PTPRD: variants seen among roughly 807,000 people sequenced by gnomAD.
PTPRD encodes the protein protein tyrosine phosphatase receptor type D, also known as receptor-type tyrosine-protein phosphatase delta.
PTPRD carries 34 observed loss-of-function variants against 214.5 expected under a neutral mutation model. The observed-to-expected ratio is 0.16, with a 90% CI of 0.12 to 0.21. The LOEUF is 0.21. Ranked by LOEUF, PTPRD falls within the 10% of genes least tolerant of loss-of-function variation. The pLI is 1.00. For missense variants in PTPRD, 2,545 were observed against 2,398.7 expected, an observed-to-expected ratio of 1.06 and a Z score of -1.27; for synonymous variants, 1,128 against 845.7, an observed-to-expected ratio of 1.33 and a Z score of -5.79.
intron 9 of PTPRD, among the ~76,000 whole-genome samples, chr9:9,365,584 A>G (rs952638379): frequency 6.6e-5 from 10 of 151,500 alleles, no homozygotes; most frequent in African/African-American, 2.2e-4. Flanking sequence ...AACTAAATGG[A>G]CAGCTGTTCA....
At chr9:9,191,845 T>C (rs1234889790) in intron 9 of PTPRD, among the ~76,000 whole-genome samples, 1 of 152,078 alleles carries the variant, frequency 6.6e-6, no homozygotes, top group Non-Finnish European at 1.5e-5. Context: ...CTATTAATAG[T>C]AATCAGTATT....
intron 3 of PTPRD, among the ~76,000 whole-genome samples, chr9:10,313,943 C>T (rs577676803): frequency 6.6e-6 from 1 of 151,874 alleles, no homozygotes; most frequent in South Asian, 2.1e-4. Flanking sequence ...TCATTTATCA[C>T]CCTAGTGCTT....
Position 9,082,038 on chromosome 9 carries a change from A to G in PTPRD, c.-142-63303T>C, listed in dbSNP as rs140410124. Among the ~76,000 whole-genome samples the G allele has an allele frequency of 4.5e-3, 683 of 152,206 alleles. 4 individuals carry two copies. Among genetic ancestry groups the G allele is most frequent in the African/African-American group, 0.015 (634 of 41,538 alleles). ...GCCAAATTCTACCAGAGGTACAAAGAGGAGCTGGTACCAATCCTTCTGAAA... is the reference window on the plus strand; with the variant it reads ...GCCAAATTCTACCAGAGGTACAAAGGGGAGCTGGTACCAATCCTTCTGAAA... On this transcript the variant is annotated intron_variant, in intron 10 of 45. Transcript: ENST00000381196.
intron 2 of PTPRD, among the ~76,000 whole-genome samples, chr9:10,561,697 T>C (rs2064015717): frequency 6.6e-6 from 1 of 152,140 alleles, no homozygotes; most frequent in South Asian, 2.1e-4. Flanking sequence ...AATCTTTCTA[T>C]CCTCAGAAGG....
At chr9:8,593,193 G>T (rs1489748063) in intron 14 of PTPRD, among the ~76,000 whole-genome samples, 1 of 152,136 alleles carries the variant, frequency 6.6e-6, no homozygotes, top group African/African-American at 2.4e-5. Flanking sequence ...GCATTTGATT[G>T]AAAAAAGACC....
Position 8,452,425 on chromosome 9 carries a change from G to T in PTPRD, c.3876-2588C>A, listed in dbSNP as rs141070699. ...TAATAATACTAAAGAGTTTTAAAAC[G>T]TTGTCATAAAATATTAAAAGACATA... On this transcript the variant is annotated intron_variant, in intron 33 of 45. Coordinates refer to ENST00000381196, the MANE Select transcript of PTPRD (RefSeq NM_002839.4). Among the ~76,000 whole-genome samples the T allele has an allele frequency of 2.2e-4, 33 of 152,244 alleles. No homozygotes were observed. In the East Asian group the frequency reaches 6.2e-3, roughly 28 times the overall value.
chr9:9,183,134 A>G lies in PTPRD; in HGVS notation c.-143+170T>C, dbSNP rs151120706. On this transcript the variant is annotated intron_variant, in intron 10 of 45. Transcript: ENST00000381196. ...TGTCATTAATACATTATAAAGGAAA[A>G]TCTATAGTAAAGAATAACTCAATAT... Among the ~76,000 whole-genome samples, 4 of 152,196 alleles carry G rather than the reference A, an allele frequency of 2.6e-5. No homozygotes were observed. The East Asian group carries it at 7.7e-4, about 29-fold the overall frequency.
At chr9:10,034,396 T>C (rs1049313583) in intron 3 of PTPRD, among the ~76,000 whole-genome samples, 1 of 142,820 alleles carries the variant, frequency 7.0e-6, no homozygotes, top group Admixed American at 7.4e-5. Flanking sequence ...CTGTCTCAGC[T>C]CCTGGCTCTA....
In PTPRD at chr9:8,604,606, C is replaced by G. The variant is rs377631847; in HGVS notation, c.352+28711G>C. Among the ~76,000 whole-genome samples the G allele has an allele frequency of 3.3e-5, 5 of 152,168 alleles. No individual in the cohort carries two copies. In the East Asian group the frequency reaches 5.8e-4, roughly 18 times the overall value. The stretch of plus-strand genomic sequence containing the variant: ...ACAGTCAAGGAACAGATGCCAAAAC[C>G]CTTGCAAAAATCCCCAAAGCAATAA... On this transcript the variant is annotated intron_variant, in intron 14 of 45. Coordinates refer to ENST00000381196, the MANE Select transcript of PTPRD (RefSeq NM_002839.4).
At chr9:9,995,485 G>A (rs1429634962) in intron 4 of PTPRD, among the ~76,000 whole-genome samples, 1 of 152,140 alleles carries the variant, frequency 6.6e-6, no homozygotes, top group Non-Finnish European at 1.5e-5. Context: ...GGACATATGT[G>A]CTACTTTTAC....
chr9:8,469,731 T>C (rs1242362495), intron 31 of PTPRD, among the ~76,000 whole-genome samples: 1 of 152,072 alleles, frequency 6.6e-6, no homozygotes, highest in Non-Finnish European at 1.5e-5. Context: ...TAATGTCTCA[T>C]TTTACACAGC....
At chr9:10,369,300 C>CT (rs1211295130) in intron 2 of PTPRD, among the ~76,000 whole-genome samples, 2 of 152,078 alleles carry the variant, frequency 1.3e-5, no homozygotes, top group African/African-American at 4.8e-5. Context: ...TCAATTAGCA[C>CT]ATTGCATCTA....
At chr9:9,108,692 G>A (rs539950582) in intron 10 of PTPRD, among the ~76,000 whole-genome samples, 23 of 152,112 alleles carry the variant, frequency 1.5e-4, no homozygotes, top group Non-Finnish European at 2.2e-4. Flanking sequence ...TCTTTTTACA[G>A]CACATTGACC....
chr9:8,844,543 A>G (rs1479124495), intron 11 of PTPRD, among the ~76,000 whole-genome samples: 1 of 152,214 alleles, frequency 6.6e-6, no homozygotes, highest in Non-Finnish European at 1.5e-5. Flanking sequence ...AAGATTATGC[A>G]TATTTTAAAA....
intron 3 of PTPRD, among the ~76,000 whole-genome samples, chr9:10,059,092 G>A (rs1271679035): frequency 1.3e-5 from 2 of 152,064 alleles, no homozygotes; most frequent in Non-Finnish European, 2.9e-5. Context: ...AATGTGTAGA[G>A]GCAACTACTT....
chr9:9,248,003 T>A (rs2099973819), intron 9 of PTPRD, among the ~76,000 whole-genome samples: 1 of 152,098 alleles, frequency 6.6e-6, no homozygotes, highest in African/African-American at 2.4e-5. Context: ...ATGATTCTCT[T>A]TATATCTCTT....
chr9:9,806,770 C>T (rs2099075710), intron 5 of PTPRD, among the ~76,000 whole-genome samples: 1 of 152,136 alleles, frequency 6.6e-6, no homozygotes, highest in Admixed American at 6.6e-5. Flanking sequence ...CGAGTGGGCT[C>T]AAGCATGCAC....
intron 4 of PTPRD, among the ~76,000 whole-genome samples, chr9:9,988,307 T>C (rs1030666570): frequency 6.6e-6 from 1 of 152,190 alleles, no homozygotes; most frequent in Non-Finnish European, 1.5e-5. Flanking sequence ...TTTCTTCTTG[T>C]CTGTTATTTA....
intron 5 of PTPRD, among the ~76,000 whole-genome samples, chr9:9,782,153 T>C (rs991481653): frequency 2.0e-4 from 30 of 152,120 alleles, no homozygotes; most frequent in African/African-American, 7.0e-4. Flanking sequence ...GTTGCTTGGT[T>C]TCTTTTTCCA....
Sources: allele counts gnomAD v4.1 joint callset (sites outside exome capture counted in the v4.1 genomes callset), GRCh38; gene constraint gnomAD v4.1.1; transcripts MANE v1.5; gene names NCBI Gene and HGNC (gene_info 2026-07-23, HGNC 2026-07-21).